The following TSEN15 variants were observed in gnomAD, a reference collection of about 807,000 sequenced individuals.
TSEN15 encodes the protein tRNA-splicing endonuclease subunit Sen15.
TSEN15 carries 10 observed loss-of-function variants against 20.5 expected under a neutral mutation model. That is an observed-to-expected ratio of 0.49 (90% CI 0.30 to 0.83). TSEN15 has a LOEUF of 0.83. TSEN15 is among the 40% of genes least tolerant of loss of function. The probability of loss-of-function intolerance (pLI) is 0.06; values close to 1 mark genes in which losing one functional copy is unlikely to be tolerated. For missense variants in TSEN15, 180 were observed against 218.6 expected (o/e 0.82, Z 1.11); for synonymous variants, 72 against 80.1 (o/e 0.90, Z 0.54).
chr1:184,095,837 G>T, exon 4 of TSEN15: 1 of 398,322 alleles, frequency 2.5e-6, no homozygotes, highest in Non-Finnish European at 4.4e-6. Context: ...AATTTCTGTT[G>T]TTTAAGCCAC....
At chr1:184,083,094 T>C (rs1269467327) in intron 3 of TSEN15, among the ~76,000 whole-genome samples, 1 of 152,194 alleles carries the variant, frequency 6.6e-6, no homozygotes, top group Admixed American at 6.5e-5. Flanking sequence ...GATAATGCAG[T>C]ATTTGATACA....
intron 3 of TSEN15, among the ~76,000 whole-genome samples, chr1:184,092,313 C>G (rs938651262): frequency 3.9e-4 from 59 of 152,160 alleles, no homozygotes; most frequent in African/African-American, 1.3e-3. Context: ...AACATAGGTC[C>G]ATTTAAAAAA....
chr1:184,072,763 A>G (rs530082366), intron 4 of TSEN15, 64 bp from the exon 5 acceptor site: 281 of 1,379,396 alleles, frequency 2.0e-4, no homozygotes, highest in Non-Finnish European at 2.6e-4. Context: ...ATATCTTTCT[A>G]ATTTTGCTTT....
chr1:184,082,237 G>A (rs1235496789), intron 3 of TSEN15, among the ~76,000 whole-genome samples: 1 of 152,122 alleles, frequency 6.6e-6, no homozygotes, highest in Non-Finnish European at 1.5e-5. Flanking sequence ...CACAGGTAGT[G>A]GCTGAATTGG....
At chr1:184,059,727 T>C (rs1234505783) in intron 3 of TSEN15, among the ~76,000 whole-genome samples, 1 of 152,140 alleles carries the variant, frequency 6.6e-6, no homozygotes, top group East Asian at 1.9e-4. Flanking sequence ...TGCACTACCA[T>C]GCCCAACTAA....
downstream of TSEN15, among the ~76,000 whole-genome samples, chr1:184,075,563 A>G (rs1651043351): frequency 6.6e-6 from 1 of 152,122 alleles, no homozygotes; most frequent in African/African-American, 2.4e-5. Flanking sequence ...GTCTGATTAT[A>G]TAATGGCTTA....
At chr1:184,096,304 C>T (rs58322431) in exon 4 of TSEN15, 16,219 of 152,118 alleles carry the variant, frequency 0.11, 991 homozygotes, top group Admixed American at 0.2. Flanking sequence ...AGCTGGGAGC[C>T]TGAGGCTAGG....
rs1301938840 is a variant in TSEN15, at chr1:184,081,444, A to T, written c.354-14246A>T. The stretch of plus-strand genomic sequence containing the variant: ...GCTTACTGCAATTAGGAAGCAGCCC[A>T]TGTTACTCCTGTCCACGTTTCACTA... On this transcript the variant is annotated intron_variant, in intron 3 of 3. Coordinates refer to the TSEN15 transcript ENST00000643231. Among the ~76,000 whole-genome samples, 4 of 152,190 alleles carry T rather than the reference A, an allele frequency of 2.6e-5. No individual in the cohort carries two copies. The East Asian group carries it at 7.7e-4, about 29-fold the overall frequency.
chr1:184,094,729 A>G, intron 3 of TSEN15: 1 of 311,230 alleles, frequency 3.2e-6, no homozygotes, highest in Admixed American at 5.0e-5. Flanking sequence ...AAACCCACCT[A>G]CCATCAAATG....
downstream of TSEN15, among the ~76,000 whole-genome samples, chr1:184,075,903 T>C (rs534805019): frequency 4.1e-4 from 41 of 99,162 alleles, no homozygotes; most frequent in Non-Finnish European, 7.1e-4. Context: ...TATATATATA[T>C]ATATATATTT....
At chr1:184,058,022 G>C in intron 3 of TSEN15, 1 of 300,714 alleles carries the variant, frequency 3.3e-6, no homozygotes, top group Non-Finnish European at 6.4e-6. Flanking sequence ...GTTTGGACAA[G>C]GAGCTACTAT....
chr1:184,086,982 G>C (rs1357574869), intron 3 of TSEN15, among the ~76,000 whole-genome samples: 1 of 152,148 alleles, frequency 6.6e-6, no homozygotes, highest in African/African-American at 2.4e-5. Context: ...GATGGGGTGT[G>C]ATAGTTAAGG....
downstream of TSEN15, among the ~76,000 whole-genome samples, chr1:184,078,808 T>C (rs987999815): frequency 2.6e-5 from 4 of 152,150 alleles, no homozygotes; most frequent in African/African-American, 9.7e-5. Flanking sequence ...CTAAAACAGC[T>C]TTTCCCTTTT....
chr1:184,062,753 T>G (rs1280395960), intron 3 of TSEN15, among the ~76,000 whole-genome samples: 4 of 150,638 alleles, frequency 2.7e-5, no homozygotes, highest in Non-Finnish European at 5.9e-5. Flanking sequence ...TTTTTGTTTG[T>G]TTTTTTTTCC....
At position 184,073,037 on chromosome 1, in the gene TSEN15, A is replaced by G; in HGVS notation, c.*190A>G. 1 of 580,918 alleles carries G rather than the reference A, an allele frequency of 1.7e-6. No individual in the cohort carries two copies. The highest frequency in any genetic ancestry group is 3.0e-6 in the Non-Finnish European group (1 of 334,978). 36.0% of individuals were successfully genotyped at this position (580,918 alleles called of 1,614,324 possible). On this transcript the variant is annotated 3_prime_UTR_variant, in exon 5 of 5. Transcript: ENST00000645668. ...AGACTTTCTCCTTCTTAAAAAATAT[A>G]GGGTGATTTCTTTAAAACTTTGTTA...
intron 3 of TSEN15, among the ~76,000 whole-genome samples, chr1:184,059,794 C>T (rs779700312): frequency 4.6e-5 from 7 of 152,218 alleles, no homozygotes; most frequent in Non-Finnish European, 7.3e-5. Flanking sequence ...TGGTCTCGAA[C>T]TCCTGACCTC....
downstream of TSEN15, among the ~76,000 whole-genome samples, chr1:184,075,619 G>A (rs977427951): frequency 1.3e-5 from 2 of 151,956 alleles, no homozygotes; most frequent in African/African-American, 4.8e-5. Context: ...GGACACCAGA[G>A]GGCACTGCTA....
At chr1:184,076,847 A>C (rs150538813), downstream of TSEN15, among the ~76,000 whole-genome samples, 1 of 152,184 alleles carries the variant, frequency 6.6e-6, no homozygotes, top group Non-Finnish European at 1.5e-5. Context: ...TTTCAATTCT[A>C]TGAAGGCTGA....
chr1:184,075,679 G>T (rs1651045285), downstream of TSEN15, among the ~76,000 whole-genome samples: 1 of 152,032 alleles, frequency 6.6e-6, no homozygotes, highest in South Asian at 2.1e-4. Flanking sequence ...AGCTGGAGAA[G>T]TGGTACTCTT....
Sources: gnomAD v4.1 joint callset for allele counts (sites outside exome capture counted in the v4.1 genomes callset) on GRCh38, gnomAD v4.1.1 for gene constraint, MANE v1.5 for transcripts, NCBI Gene and HGNC (gene_info 2026-07-23, HGNC 2026-07-21) for gene names.